MYO1H: variants seen among roughly 807,000 people sequenced by gnomAD.
MYO1H encodes myosin IH.
A neutral mutation model predicts 149.3 loss-of-function variants in MYO1H; 118 were observed. The observed-to-expected ratio is 0.79, with a 90% CI of 0.68 to 0.92. MYO1H has a LOEUF of 0.92. Among genes scored for constraint, MYO1H ranks in the 40% least tolerant of loss-of-function variants. The pLI is 0.00. For synonymous variants in MYO1H, 447 were observed against 465.2 expected, an observed-to-expected ratio of 0.96 and a Z score of 0.50; for missense variants, 1,212 against 1,280.7, an observed-to-expected ratio of 0.95 and a Z score of 0.82.
chr12:109,407,926 A>G lies in MYO1H; in HGVS notation c.1155+13A>G, dbSNP rs2137059623. On this transcript the variant is annotated intron_variant, in intron 10 of 31. Transcript: ENST00000310903. Reference sequence around the variant, plus strand: ...CTTAGTTAACAAGGTTGGTCAACGCATTTTGGATCCCTTGCTCTTGCTCAC... The same window carrying G: ...CTTAGTTAACAAGGTTGGTCAACGCGTTTTGGATCCCTTGCTCTTGCTCAC... 3.1e-6 allele frequency: 5 copies of G among 1,613,590 alleles called. No individual in the cohort carries two copies. Among genetic ancestry groups the G allele is most frequent in the Non-Finnish European group, 4.2e-6 (5 of 1,179,838 alleles).
chr12:109,435,173 G>C lies in MYO1H; in HGVS notation c.2140+60G>C, dbSNP rs906654526. 5 of 1,195,660 alleles carry C rather than the reference G, an allele frequency of 4.2e-6. No homozygotes were observed. The East Asian group carries it at 9.4e-5, about 22-fold the overall frequency. 74.1% of individuals were successfully genotyped at this position (1,195,660 alleles called of 1,614,324 possible). A position where few individuals can be genotyped will look rare whatever the true frequency, so the allele number is the denominator to read the frequency against. On this transcript the variant is annotated intron_variant, in intron 21 of 31. Coordinates refer to ENST00000310903, the Ensembl canonical transcript of MYO1H. Reference sequence around the variant, plus strand: ...ATATGAAATGAACAAGTGGAGCTTGGGGGTAAATCTTAAACACGGGTGTTT... The same window carrying C: ...ATATGAAATGAACAAGTGGAGCTTGCGGGTAAATCTTAAACACGGGTGTTT...
At chr12:109,443,985 T>C (rs139195602) in intron 28 of MYO1H, among the ~76,000 whole-genome samples, 2 of 152,038 alleles carry the variant, frequency 1.3e-5, no homozygotes, top group African/African-American at 4.8e-5. Flanking sequence ...CTGGCATAAA[T>C]ATTAATAGCA....
chr12:109,312,201 GTT>G, the MYO1H span, among the ~76,000 whole-genome samples: 1 of 132,918 alleles, frequency 7.5e-6, no homozygotes, highest in Non-Finnish European at 1.6e-5. Context: ...AAGAAGTTCA[GTT>G]TTTTTTTTTG....
intron 27 of MYO1H, among the ~76,000 whole-genome samples, chr12:109,443,042 G>GTGTGTATACACATA (rs1555255535): frequency 3.3e-5 from 3 of 91,964 alleles, no homozygotes; most frequent in African/African-American, 1.1e-4. Flanking sequence ...GTGTGTGTGT[G>GTGTGTATACACATA]TGTGTATATA....
At chr12:109,321,501 C>T in the MYO1H span, among the ~76,000 whole-genome samples, 4 of 151,848 alleles carry the variant, frequency 2.6e-5, no homozygotes, top group East Asian at 1.9e-4. Context: ...TGCAGTGAGC[C>T]GAGATTGTGC....
chr12:109,420,988 G>A, exon 16 of MYO1H: 1 of 1,576,992 alleles, frequency 6.3e-7, no homozygotes, highest in Non-Finnish European at 8.7e-7. Context: ...CAGGATTCTT[G>A]GAAAAAAACA....
At chr12:109,424,045 G>C (rs1256509550) in intron 16 of MYO1H, among the ~76,000 whole-genome samples, 1 of 152,188 alleles carries the variant, frequency 6.6e-6, no homozygotes, top group Non-Finnish European at 1.5e-5. Context: ...GACCACACAG[G>C]ATGTGCGTAT....
the MYO1H span, among the ~76,000 whole-genome samples, chr12:109,332,365 C>T: frequency 1.3e-5 from 2 of 152,330 alleles, no homozygotes; most frequent in South Asian, 4.1e-4. Context: ...AGTTTTGTTT[C>T]ATCCCGGGCT....
the MYO1H span, among the ~76,000 whole-genome samples, chr12:109,317,141 A>G: frequency 8.5e-5 from 13 of 152,162 alleles, no homozygotes; most frequent in Non-Finnish European, 1.6e-4. Context: ...CTGAAATACA[A>G]TTCTCCTGAT....
At chr12:109,377,350 A>T (rs1399338313) in intron 1 of MYO1H, among the ~76,000 whole-genome samples, 2 of 152,230 alleles carry the variant, frequency 1.3e-5, no homozygotes, top group African/African-American at 4.8e-5. Context: ...CAGAGATCAC[A>T]TGGTGAGTGA....
At chr12:109,403,427 C>A (rs533615663) in intron 6 of MYO1H, among the ~76,000 whole-genome samples, 32 of 152,302 alleles carry the variant, frequency 2.1e-4, no homozygotes, top group African/African-American at 7.5e-4. Flanking sequence ...AGAATGTTTT[C>A]TCTTTAAATC....
At chr12:109,393,539 TCATCCATCCATC>T (rs71079557) in intron 3 of MYO1H, 93 bp downstream of exon 3, 126 of 680,708 alleles carry the variant, frequency 1.9e-4, no homozygotes, top group Admixed American at 3.0e-4. Flanking sequence ...GTCCATCCAT[TCATCCATCCATC>T]CATCCATCCA....
the MYO1H span, among the ~76,000 whole-genome samples, chr12:109,331,282 A>G: frequency 2.6e-5 from 4 of 152,022 alleles, no homozygotes; most frequent in African/African-American, 9.7e-5. Flanking sequence ...ATATTTTAAC[A>G]CTCCAAGGCA....
At chr12:109,360,090 T>C (rs1430940137) in intron 1 of MYO1H, among the ~76,000 whole-genome samples, 1 of 151,860 alleles carries the variant, frequency 6.6e-6, no homozygotes, top group Non-Finnish European at 1.5e-5. Flanking sequence ...TTGTCTTGGC[T>C]ACCCTTCTTT....
intron 1 of MYO1H, among the ~76,000 whole-genome samples, chr12:109,386,334 T>C (rs1869306660): frequency 6.6e-6 from 1 of 152,242 alleles, no homozygotes; most frequent in Non-Finnish European, 1.5e-5. Context: ...CAAGTCTTTT[T>C]GTAGACATAT....
At chr12:109,311,913 G>A in the MYO1H span, among the ~76,000 whole-genome samples, 1 of 152,198 alleles carries the variant, frequency 6.6e-6, no homozygotes, top group African/African-American at 2.4e-5. Context: ...CCAGTTCTAT[G>A]CAGTGGAAAA....
rs747073389 is a variant in MYO1H, at chr12:109,442,795, CTTTTTTTTTTT to C, written c.2688+536_2688+546del. On this transcript the variant is annotated intron_variant, in intron 27 of 31. Coordinates refer to ENST00000310903, the Ensembl canonical transcript of MYO1H. The stretch of plus-strand genomic sequence containing the variant: ...GTGATCGTGTGTGCCAGTGTCTGCT[CTTTTTTTTTTT>C]TTTTTTTTTTTTGTTCCCTGGGGAA... Among the ~76,000 whole-genome samples the C allele has an allele frequency of 9.2e-3, 864 of 94,034 alleles. 16 individuals are homozygous for C. The highest frequency in any genetic ancestry group is 0.033 in the African/African-American group (830 of 25,316). 61.7% of individuals were successfully genotyped at this position (94,034 alleles called of 152,430 possible).
At chr12:109,331,027 G>A in the MYO1H span, among the ~76,000 whole-genome samples, 2 of 151,980 alleles carry the variant, frequency 1.3e-5, no homozygotes, top group African/African-American at 2.4e-5. Flanking sequence ...TACTGCTTTG[G>A]GCATGGCGTT....
chr12:109,432,876 C>T, intron 19 of MYO1H, 21 bp from the exon 20 acceptor site: 1 of 1,602,362 alleles, frequency 6.2e-7, no homozygotes, highest in Non-Finnish European at 8.6e-7. Flanking sequence ...ACAGCTTCTC[C>T]ATGTCCATCT....
Sources: allele counts gnomAD v4.1 joint callset (sites outside exome capture counted in the v4.1 genomes callset), GRCh38; gene constraint gnomAD v4.1.1; transcripts MANE v1.5; gene names NCBI Gene and HGNC (gene_info 2026-07-23, HGNC 2026-07-21).